Variants in TMEM97 observed in about 807,000 individuals in gnomAD.
TMEM97 encodes transmembrane protein 97.
In TMEM97, 13 loss-of-function variants were observed where a neutral mutation model predicts 18.3. The ratio of observed to expected loss-of-function variants is 0.71; its 90% CI spans 0.46 to 1.13. The LOEUF is 1.13. Among genes scored for constraint, TMEM97 ranks in the 50% most tolerant of loss-of-function variants. The probability of loss-of-function intolerance (pLI) is 0.00; values close to 1 mark genes in which losing one functional copy is unlikely to be tolerated. For synonymous variants in TMEM97, 76 were observed against 85.3 expected, an observed-to-expected ratio of 0.89 and a Z score of 0.60; for missense variants, 205 against 210.5, an observed-to-expected ratio of 0.97 and a Z score of 0.16.
chr17:28,325,370 A>G lies in TMEM97; in HGVS notation c.127-133A>G, dbSNP rs1906289050. On this transcript the variant is annotated intron_variant, in intron 1 of 2. Transcript: ENST00000226230. ...GCTGTGTCACAAAAGCCAGCTGGACATGCCATCTGCTGCCGGGGTAGTGGG... is the reference window on the plus strand; with the variant it reads ...GCTGTGTCACAAAAGCCAGCTGGACGTGCCATCTGCTGCCGGGGTAGTGGG... The G allele has an allele frequency of 3.5e-6, 4 of 1,153,598 alleles. No individual in the cohort carries two copies. In the South Asian group the frequency reaches 6.3e-5, roughly 18 times the overall value. 71.5% of individuals were successfully genotyped at this position (1,153,598 alleles called of 1,614,324 possible). A position where few individuals can be genotyped will look rare whatever the true frequency, so the allele number is the denominator to read the frequency against.
chr17:28,321,800 C>CTGTGTGTGTGTGTGTGTGTG (rs538038865), intron 1 of TMEM97, among the ~76,000 whole-genome samples: 5 of 132,292 alleles, frequency 3.8e-5, no homozygotes, highest in African/African-American at 8.7e-5. Context: ...TGGCCAGAAC[C>CTGTGTGTGTGTGTGTGTGTG]TGTGTGTGTG....
chr17:28,325,424 A>C, intron 1 of TMEM97, 79 bp from the exon 2 acceptor site: 1 of 1,549,786 alleles, frequency 6.5e-7, no homozygotes, highest in Non-Finnish European at 8.7e-7. Flanking sequence ...AGGCTCCTCC[A>C]GTGTATTTTC....
chr17:28,327,867 C>A lies in TMEM97; in HGVS notation c.*1074C>A, dbSNP rs1167371005. ...TTCTAGAGGCCACCTGACACAAGTC[C>A]CTGTATCTGAAGTCTAGCATCTCAA... On this transcript the variant is annotated 3_prime_UTR_variant, in exon 3 of 3. Coordinates refer to ENST00000226230, the MANE Select transcript of TMEM97 (RefSeq NM_014573.3). The A allele has an allele frequency of 6.6e-6, 1 of 152,148 alleles. No individual in the cohort carries two copies. Among genetic ancestry groups the A allele is most frequent in the Non-Finnish European group, 1.5e-5 (1 of 68,022 alleles). 9.4% of individuals were successfully genotyped at this position (152,148 alleles called of 1,614,324 possible). A position where few individuals can be genotyped will look rare whatever the true frequency, so the allele number is the denominator to read the frequency against.
rs1210590980 is a variant in TMEM97 at position 28,328,550 on chromosome 17, CAT to C, written c.*1759_*1760del. On this transcript the variant is annotated 3_prime_UTR_variant, in exon 3 of 3. Transcript: ENST00000226230. ...ATTCCTTACACGCCACCTCTTGTGA[CAT>C]AGGTCATTGGTCAAGCCGCTGGAAT... 7 of 737,312 alleles carry C rather than the reference CAT, an allele frequency of 9.5e-6. No individual in the cohort carries two copies. Among genetic ancestry groups the C allele is most frequent in the African/African-American group, 1.8e-5 (1 of 55,634 alleles). The allele number at this position is 737,312 out of a possible 1,614,324, so 45.7% of individuals were successfully genotyped here. A position where few individuals can be genotyped will look rare whatever the true frequency, so the allele number is the denominator to read the frequency against.
chr17:28,325,641 C>A lies in TMEM97; in HGVS notation c.265C>A (p.Leu89Ile), dbSNP rs182610790. 8.7e-6 allele frequency: 14 copies of A among 1,613,904 alleles called. No homozygotes were observed. In the African/African-American group the frequency reaches 1.7e-4, roughly 20 times the overall value. The change falls in exon 2 of 3, where the codon CTC becomes ATC. Residue 89 changes from leucine (L) to isoleucine (I), a missense_variant. Leu to Ile is a conservative substitution (Grantham distance 5). Coordinates refer to ENST00000226230, the MANE Select transcript of TMEM97 (RefSeq NM_014573.3). ...CTTTCCCATTGCAACGTATGCCTTC[C>A]TCAAAGGTTGGTAAATGGTGGGAAA... ...PFFPIATYAF[L>I]KGSCKWIRTP...
chr17:28,322,496 A>T (rs985218763), intron 1 of TMEM97, among the ~76,000 whole-genome samples: 2 of 152,100 alleles, frequency 1.3e-5, no homozygotes, highest in African/African-American at 4.8e-5. Context: ...TGCATGCCTC[A>T]GCCTCCCAAA....
chr17:28,324,058 A>G (rs1345093388), intron 1 of TMEM97, among the ~76,000 whole-genome samples: 1 of 152,218 alleles, frequency 6.6e-6, no homozygotes, highest in African/African-American at 2.4e-5. Context: ...CAGTATTTTT[A>G]AAAATCTAAA....
At position 28,326,560 on chromosome 17, in the gene TMEM97, G is replaced by A. The variant is rs1476735894; in HGVS notation, c.298G>A (p.Ala100Thr). 6.2e-7 allele frequency: 1 copy of A among 1,613,818 alleles called. No individual in the cohort carries two copies. Among genetic ancestry groups the A allele is most frequent in the East Asian group, 2.2e-5 (1 of 44,892 alleles). Residue 100 changes from alanine (A) to threonine (T), a missense_variant, in exon 3 of 3, where the codon GCA (alanine) becomes ACA (threonine). Ala to Thr is a moderately conservative substitution (Grantham distance 58). Coordinates refer to ENST00000226230, the MANE Select transcript of TMEM97 (RefSeq NM_014573.3). Reference sequence around the variant, plus strand: ...AAGCTGCAAGTGGATTCGAACTCCTGCAATCATCTACTCTGTTCACACCAT... The same window carrying A: ...AAGCTGCAAGTGGATTCGAACTCCTACAATCATCTACTCTGTTCACACCAT... ...KGSCKWIRTP[A>T]IIYSVHTMTT...
In TMEM97 at chr17:28,319,335, G is replaced by A. The variant is rs782254376; in HGVS notation, c.96G>A (p.Ala32=). The change falls in exon 1 of 3, where the codon GCG becomes GCA. Residue 32 remains alanine (A), a synonymous_variant. Transcript: ENST00000226230. ...TCACCCTGTTCATGGACCTGCAGGC[G>A]GTGCTGCCGCGCGAGCTCTACCCAG... ...IPITLFMDLQ[A]VLPRELYPVE... is the part of the protein sequence containing the mutation. 2.2e-5 allele frequency: 36 copies of A among 1,606,300 alleles called. 1 individual carries two copies. The African/African-American group carries it at 3.2e-4, about 14-fold the overall frequency.
intron 1 of TMEM97, among the ~76,000 whole-genome samples, chr17:28,323,257 T>A (rs1906216176): frequency 6.6e-6 from 1 of 152,156 alleles, no homozygotes; most frequent in African/African-American, 2.4e-5. Context: ...ATTATGATAA[T>A]TCATTATTAC....
In TMEM97 at chr17:28,325,416, G is replaced by C. The variant is rs539005771; in HGVS notation, c.127-87G>C. ...GTGGGGGGTGGCTAATTAATGACAG[G>C]CTCCTCCAGTGTATTTTCAAATGAG... On this transcript the variant is annotated intron_variant, in intron 1 of 2. Coordinates refer to ENST00000226230, the MANE Select transcript of TMEM97 (RefSeq NM_014573.3). 2.2e-5 allele frequency: 34 copies of C among 1,526,044 alleles called. No individual in the cohort carries two copies. In the African/African-American group the frequency reaches 3.3e-4, roughly 15 times the overall value. The allele number at this position is 1,526,044 out of a possible 1,614,324, so 94.5% of individuals were successfully genotyped here.
At chr17:28,325,823 T>C in intron 2 of TMEM97, 176 bp downstream of exon 2, 1 of 873,188 alleles carries the variant, frequency 1.1e-6, no homozygotes, top group Non-Finnish European at 1.7e-6. Context: ...TGGCTCAGGC[T>C]CATGTCTGTG....
chr17:28,319,388 C>A, intron 1 of TMEM97, 23 bp downstream of exon 1: 2 of 1,468,444 alleles, frequency 1.4e-6, no homozygotes, highest in Non-Finnish European at 1.8e-6. Context: ...CCTCTTATCC[C>A]GGCCCGCTGA....
chr17:28,325,702 CT>C (rs1239481937), intron 2 of TMEM97, 55 bp downstream of exon 2: 11 of 1,608,316 alleles, frequency 6.8e-6, no homozygotes, highest in African/African-American at 1.3e-5. Flanking sequence ...TCCCAGAAAT[CT>C]TTTGGGAAAG....
At chr17:28,325,899 C>T in intron 2 of TMEM97, 1 of 520,262 alleles carries the variant, frequency 1.9e-6, no homozygotes, top group South Asian at 2.7e-5. Flanking sequence ...AAGCCTGAGA[C>T]CACTTAAACA....
chr17:28,319,925 A>G (rs1460399231), intron 1 of TMEM97, among the ~76,000 whole-genome samples: 6 of 152,192 alleles, frequency 3.9e-5, no homozygotes, highest in Admixed American at 2.6e-4. Flanking sequence ...TGGCTCTTCA[A>G]TATTGGGTTC....
At position 28,328,630 on chromosome 17, in the gene TMEM97, C is replaced by T. The variant is rs782598200; in HGVS notation, c.*1837C>T. The T allele has an allele frequency of 1.4e-5, 21 of 1,547,518 alleles. No individual in the cohort carries two copies. Among genetic ancestry groups the T allele is most frequent in the Admixed American group, 1.8e-5 (1 of 54,284 alleles). ...GGCTTTTTTTTGTTTTGCCTTCCTACTATAAAAGCGAAATTTTCAGTTCAT... is the reference window on the plus strand; with the variant it reads ...GGCTTTTTTTTGTTTTGCCTTCCTATTATAAAAGCGAAATTTTCAGTTCAT... On this transcript the variant is annotated 3_prime_UTR_variant, in exon 3 of 3. Coordinates refer to ENST00000226230, the MANE Select transcript of TMEM97 (RefSeq NM_014573.3).
chr17:28,324,178 A>G (rs1415599874), intron 1 of TMEM97, among the ~76,000 whole-genome samples: 1 of 152,182 alleles, frequency 6.6e-6, no homozygotes, highest in Non-Finnish European at 1.5e-5. Flanking sequence ...TTTCTTATCA[A>G]TTCAATCCTA....
In TMEM97 at chr17:28,328,527, T is replaced by G. The variant is rs1906478583; in HGVS notation, c.*1734T>G. 1.3e-5 allele frequency: 9 copies of G among 688,130 alleles called. No individual in the cohort carries two copies. The allele number at this position is 688,130 out of a possible 1,614,324, so 42.6% of individuals were successfully genotyped here. On this transcript the variant is annotated 3_prime_UTR_variant, in exon 3 of 3. Transcript: ENST00000226230. ...TAGTGCTGTCTTCAGGGGGCTGCAT[T>G]CCTTACACGCCACCTCTTGTGACAT...
Sources: gnomAD v4.1 joint callset for allele counts (sites outside exome capture counted in the v4.1 genomes callset) on GRCh38, gnomAD v4.1.1 for gene constraint, MANE v1.5 for transcripts, NCBI Gene and HGNC (gene_info 2026-07-23, HGNC 2026-07-21) for gene names.